CDH11: variants seen among roughly 807,000 people sequenced by gnomAD.
The protein encoded by CDH11 is cadherin 11.
In CDH11, 11 loss-of-function variants were observed where a neutral mutation model predicts 67.8. That is an observed-to-expected ratio of 0.16 (90% CI 0.10 to 0.27). The LOEUF (loss-of-function observed/expected upper bound fraction) is 0.27. Ranked by LOEUF, CDH11 falls within the 10% of genes least tolerant of loss-of-function variation. The pLI is 1.00. For synonymous variants in CDH11, 419 were observed against 400.0 expected (o/e 1.05, Z -0.57); for missense variants, 847 against 1,031.2 (o/e 0.82, Z 2.45).
chr16:64,997,855 T>G (rs1013429054), intron 4 of CDH11, among the ~76,000 whole-genome samples: 4 of 152,202 alleles, frequency 2.6e-5, no homozygotes, highest in African/African-American at 7.2e-5. Flanking sequence ...CTAAAACTCT[T>G]TTAAGCAGAC....
rs2075323868 is a variant in CDH11 at position 65,121,208 on chromosome 16, C to T, written c.-298+672G>A. On this transcript the variant is annotated intron_variant, in intron 1 of 12. Transcript: ENST00000268603. The surrounding 1 kb of genome is among the most constrained non-coding windows in gnomAD (Gnocchi z 4.1). Reference sequence around the variant, plus strand: ...GAGCTTACAAACGGGCGCCAGAGCTCCCGCAGAGACTCGGGCTGGAGGGCT... The same window carrying T: ...GAGCTTACAAACGGGCGCCAGAGCTTCCGCAGAGACTCGGGCTGGAGGGCT... Among the ~76,000 whole-genome samples the T allele has an allele frequency of 6.6e-6, 1 of 152,216 alleles. No individual in the cohort carries two copies. Among genetic ancestry groups the T allele is most frequent in the African/African-American group, 2.4e-5 (1 of 41,464 alleles).
At chr16:65,088,251 C>T (rs895960670) in intron 1 of CDH11, among the ~76,000 whole-genome samples, 3 of 152,136 alleles carry the variant, frequency 2.0e-5, no homozygotes, top group African/African-American at 7.2e-5. Flanking sequence ...TCCTATCCTC[C>T]AGAACTGTCA....
At chr16:65,052,019 G>A (rs2074064279) in intron 2 of CDH11, among the ~76,000 whole-genome samples, 1 of 152,178 alleles carries the variant, frequency 6.6e-6, no homozygotes, top group Admixed American at 6.5e-5. Flanking sequence ...TTTGGAAGGA[G>A]TAAGGGGAGT....
intron 1 of CDH11, among the ~76,000 whole-genome samples, chr16:65,056,660 A>T (rs1031396260): frequency 6.6e-6 from 1 of 152,188 alleles, no homozygotes. Context: ...ACTCTTGCTG[A>T]AAGTGTACAG....
intron 1 of CDH11, among the ~76,000 whole-genome samples, chr16:65,079,443 G>A (rs192128066): frequency 9.1e-4 from 139 of 152,180 alleles, no homozygotes; most frequent in African/African-American, 3.2e-3. Context: ...CTTTTACTTT[G>A]ATTCTTGTGA....
chr16:65,076,641 C>G (rs2074514301), intron 1 of CDH11, among the ~76,000 whole-genome samples: 3 of 152,162 alleles, frequency 2.0e-5, no homozygotes, highest in Non-Finnish European at 4.4e-5. Flanking sequence ...AACCTGTCAT[C>G]TACACTAGGT....
intron 2 of CDH11, among the ~76,000 whole-genome samples, chr16:65,046,906 G>A (rs187826631): frequency 5.0e-4 from 76 of 152,278 alleles, no homozygotes; most frequent in African/African-American, 1.4e-3. Context: ...CCAGGAGCTC[G>A]AGACCAGCCT....
chr16:65,047,130 T>A (rs2073974788), intron 2 of CDH11, among the ~76,000 whole-genome samples: 1 of 151,964 alleles, frequency 6.6e-6, no homozygotes, highest in African/African-American at 2.4e-5. Context: ...TAAATCAAGG[T>A]GTAAAACAGG....
At chr16:65,102,060 G>T (rs2075001098) in intron 1 of CDH11, among the ~76,000 whole-genome samples, 1 of 152,044 alleles carries the variant, frequency 6.6e-6, no homozygotes, top group African/African-American at 2.4e-5. Flanking sequence ...TTATTCTCAG[G>T]TTGCATAGTA....
intron 2 of CDH11, among the ~76,000 whole-genome samples, chr16:65,013,411 C>T (rs1054034518): frequency 7.9e-5 from 12 of 152,110 alleles, no homozygotes; most frequent in Admixed American, 3.3e-4. Flanking sequence ...TCTTACAAAA[C>T]AGTTAAGAGG....
intron 4 of CDH11, among the ~76,000 whole-genome samples, chr16:64,996,742 A>G (rs1218198402): frequency 1.3e-5 from 2 of 152,220 alleles, no homozygotes; most frequent in Admixed American, 1.3e-4. Context: ...CTTTGCATCA[A>G]CACGGATGCA....
intron 2 of CDH11, among the ~76,000 whole-genome samples, chr16:65,053,111 C>T (rs1414464193): frequency 6.6e-6 from 1 of 152,160 alleles, no homozygotes; most frequent in Admixed American, 6.5e-5. Context: ...TGGAAAGTCA[C>T]ACTGGTAGAA....
chr16:65,002,532 C>T (rs935485401), intron 3 of CDH11, among the ~76,000 whole-genome samples: 1 of 152,294 alleles, frequency 6.6e-6, no homozygotes, highest in South Asian at 2.1e-4. Context: ...CCATTTCTCA[C>T]GTCAACTTCC....
intron 2 of CDH11, among the ~76,000 whole-genome samples, chr16:65,045,359 A>C (rs936470546): frequency 1.1e-4 from 11 of 96,278 alleles, no homozygotes; most frequent in South Asian, 3.3e-4. Flanking sequence ...ATATATATAT[A>C]TATATATATA....
At chr16:65,107,038 A>G (rs1229653691) in intron 1 of CDH11, among the ~76,000 whole-genome samples, 5 of 152,066 alleles carry the variant, frequency 3.3e-5, no homozygotes. Context: ...CATTTATGGA[A>G]CTGGAAAGAT....
At chr16:65,093,616 C>T (rs938722855) in intron 1 of CDH11, among the ~76,000 whole-genome samples, 1 of 152,126 alleles carries the variant, frequency 6.6e-6, no homozygotes, top group Non-Finnish European at 1.5e-5. Flanking sequence ...CAAATATACA[C>T]ACGCGTACAC....
Position 64,947,704 on chromosome 16 carries a change from C to T in CDH11, c.2290G>A (p.Asp764Asn). The T allele has an allele frequency of 6.2e-7, 1 of 1,614,128 alleles. No homozygotes were observed. ...SLSSLESATT[D>N]SDLDYDYLQN... ...AGATAATCATAGTCCAAGTCTGAAT[C>T]TGTGGTGGCCGACTCTAGGGAGCTC... The change falls in exon 13 of 13, where the codon GAT (aspartate) becomes AAT (asparagine). Residue 764 changes from aspartate (D) to asparagine (N), a missense_variant. Asp to Asn is a conservative substitution (Grantham distance 23). Transcript: ENST00000268603.
chr16:65,069,923 C>T (rs2074386740), intron 1 of CDH11, among the ~76,000 whole-genome samples: 1 of 152,070 alleles, frequency 6.6e-6, no homozygotes, highest in Admixed American at 6.5e-5. Flanking sequence ...GAACCTTGCC[C>T]CTCATGAGCT....
At chr16:65,068,574 G>A (rs962718328) in intron 1 of CDH11, among the ~76,000 whole-genome samples, 2 of 152,080 alleles carry the variant, frequency 1.3e-5, no homozygotes, top group African/African-American at 4.8e-5. Context: ...GCTTCTCTTC[G>A]AAGTCAGCTC....
Sources: allele counts gnomAD v4.1 joint callset (sites outside exome capture counted in the v4.1 genomes callset), GRCh38; gene constraint gnomAD v4.1.1; non-coding constraint Gnocchi (gnomAD v3.1); transcripts MANE v1.5; gene names NCBI Gene and HGNC (gene_info 2026-07-23, HGNC 2026-07-21).